The following CFAP47 variants were observed in gnomAD, a reference collection of about 807,000 sequenced individuals.
The protein encoded by CFAP47 is cilia and flagella associated protein 47.
CFAP47 carries 29 observed loss-of-function variants against 148.1 expected under a neutral mutation model. That is an observed-to-expected ratio of 0.20 (90% CI 0.15 to 0.27). The LOEUF is 0.27. Ranked by LOEUF, CFAP47 falls within the 10% of genes least tolerant of loss-of-function variation. The probability of loss-of-function intolerance (pLI) is 1.00; values close to 1 mark genes in which losing one functional copy is unlikely to be tolerated. For synonymous variants in CFAP47, 664 were observed against 577.3 expected (o/e 1.15, Z -2.15); for missense variants, 1,872 against 1,697.5 (o/e 1.10, Z -1.81).
intron 56 of CFAP47, among the ~76,000 whole-genome samples, chrX:36,317,882 A>T (rs1941449568): frequency 9.0e-6 from 1 of 111,141 alleles, no homozygotes; most frequent in African/African-American, 3.3e-5. Context: ...GTAATCTGAG[A>T]CTCTACTTGC....
At chrX:36,034,236 C>T (rs887880715) in intron 23 of CFAP47, among the ~76,000 whole-genome samples, 5 of 111,251 alleles carry the variant, frequency 4.5e-5, no homozygotes, top group Non-Finnish European at 9.5e-5. Flanking sequence ...GTGTTTTTCA[C>T]CTGATTAGAC....
At chrX:35,978,102 A>G (rs1310038698) in intron 15 of CFAP47, among the ~76,000 whole-genome samples, 1 of 112,241 alleles carries the variant, frequency 8.9e-6, no homozygotes, top group Non-Finnish European at 1.9e-5. Context: ...AGAAGAAAGA[A>G]CATATTTCTG....
chrX:36,337,449 T>C (rs1286080481), intron 57 of CFAP47, among the ~76,000 whole-genome samples: 1 of 111,627 alleles, frequency 9.0e-6, no homozygotes, highest in Non-Finnish European at 1.9e-5. Flanking sequence ...TATATATAGA[T>C]GGTAGAGAGA....
intron 57 of CFAP47, among the ~76,000 whole-genome samples, chrX:36,343,398 A>G (rs1482205857): frequency 8.9e-6 from 1 of 112,050 alleles, no homozygotes; most frequent in Non-Finnish European, 1.9e-5. Flanking sequence ...ATCTTATGCC[A>G]GTTAGAATGG....
chrX:36,027,110 G>GTGATTATATATATA (rs200449147), intron 22 of CFAP47, among the ~76,000 whole-genome samples: 3 of 100,233 alleles, frequency 3.0e-5, no homozygotes, highest in South Asian at 4.3e-4. Context: ...TTATATATAT[G>GTGATTATATATATA]TGATTATATA....
intron 33 of CFAP47, among the ~76,000 whole-genome samples, chrX:36,134,319 T>A (rs1333664361): frequency 1.8e-5 from 2 of 111,285 alleles, no homozygotes; most frequent in Non-Finnish European, 3.8e-5. Flanking sequence ...GACTCTAAAA[T>A]ATATATATAA....
chrX:36,317,555 G>A (rs1159102898), intron 56 of CFAP47, among the ~76,000 whole-genome samples: 3 of 106,263 alleles, frequency 2.8e-5, no homozygotes, highest in Non-Finnish European at 3.9e-5. Flanking sequence ...GACTACAGGC[G>A]CCCACCACCA....
At chrX:35,947,385 T>C (rs1038913342) in intron 3 of CFAP47, among the ~76,000 whole-genome samples, 1 of 106,900 alleles carries the variant, frequency 9.4e-6, no homozygotes, top group Non-Finnish European at 1.9e-5. Context: ...ATTTGCTCAT[T>C]CTAGGGCATG....
chrX:36,158,547 A>T (rs1321503059), intron 37 of CFAP47, among the ~76,000 whole-genome samples: 1 of 112,022 alleles, frequency 8.9e-6, no homozygotes, highest in African/African-American at 3.2e-5. Context: ...TGAGGAGCTA[A>T]ATTTGTGCTG....
intron 57 of CFAP47, among the ~76,000 whole-genome samples, chrX:36,344,257 G>GAAA (rs373568132): frequency 8.1e-5 from 5 of 61,627 alleles, no homozygotes; most frequent in African/African-American, 2.5e-4. Context: ...AAGAGAGAAA[G>GAAA]AAAAAAAAAA....
chrX:36,088,671 A>AAT (rs1339782159), intron 30 of CFAP47, among the ~76,000 whole-genome samples: 1 of 111,467 alleles, frequency 9.0e-6, no homozygotes, highest in African/African-American at 3.3e-5. Flanking sequence ...TGAAAGAATA[A>AAT]ATGTCTTGTT....
chrX:36,134,429 G>T lies in CFAP47; in HGVS notation c.5321-3529G>T, dbSNP rs371795570. The stretch of plus-strand genomic sequence containing the variant: ...GGGTGGTATTGACAAAAGAATAGAT[G>T]TGTAGATCAAAAGAATAGAATTGAG... On this transcript the variant is annotated intron_variant, in intron 33 of 63. Coordinates refer to ENST00000378653, the MANE Select transcript of CFAP47 (RefSeq NM_001304548.2). Among the ~76,000 whole-genome samples, 10 of 110,754 alleles carry T rather than the reference G, an allele frequency of 9.0e-5. No individual in the cohort carries two copies. In the East Asian group the frequency reaches 1.1e-3, roughly 13 times the overall value.
chrX:36,055,338 C>A (rs1175970652), intron 26 of CFAP47, among the ~76,000 whole-genome samples: 1 of 110,491 alleles, frequency 9.1e-6, no homozygotes, highest in Non-Finnish European at 1.9e-5. Context: ...CACTGACAGG[C>A]CCCAGTGTGT....
chrX:36,169,230 T>C (rs1939534680), intron 39 of CFAP47, among the ~76,000 whole-genome samples: 1 of 111,631 alleles, frequency 9.0e-6, no homozygotes. Flanking sequence ...ACTGTTTGAT[T>C]ATTATTATCT....
chrX:36,202,298 C>T (rs1343537306), intron 44 of CFAP47, among the ~76,000 whole-genome samples: 1 of 111,551 alleles, frequency 9.0e-6, no homozygotes, highest in Non-Finnish European at 1.9e-5. Flanking sequence ...CATGTTGCTC[C>T]TGTGTGCATA....
At position 36,310,972 on chromosome X, in the gene CFAP47, T is replaced by A; in HGVS notation, c.8327T>A (p.Ile2776Asn). The A allele has an allele frequency of 8.9e-7, 1 of 1,123,351 alleles. No homozygotes were observed. The highest frequency in any genetic ancestry group is 3.4e-5 in the East Asian group (1 of 29,755). 92.6% of individuals were successfully genotyped at this position (1,123,351 alleles called of 1,213,427 possible). ...AATCCCACAATGGAAGATGTCCTCA[T>A]TGATATAATACTGACAAGTAAGTTG... Reference protein sequence around the residue: ...FKNPTMEDVLIDIILTSVEHP... With the variant: ...FKNPTMEDVLNDIILTSVEHP... The change falls in exon 56 of 64, where the codon ATT becomes AAT. Residue 2776 changes from isoleucine to asparagine, a missense_variant. Physicochemically the swap from Ile to Asn is moderately radical, Grantham distance 149 (BLOSUM62 -3). Transcript: ENST00000378653.
chrX:36,356,737 T>C (rs1453456630), intron 60 of CFAP47, among the ~76,000 whole-genome samples: 2 of 111,503 alleles, frequency 1.8e-5, no homozygotes, highest in Non-Finnish European at 3.8e-5. Flanking sequence ...CATGCAGTCT[T>C]GTACTTCCTG....
intron 45 of CFAP47, among the ~76,000 whole-genome samples, chrX:36,210,526 T>G (rs1602048658): frequency 8.9e-6 from 1 of 112,373 alleles, no homozygotes; most frequent in Admixed American, 9.4e-5. Flanking sequence ...TCTATTCGGA[T>G]TTTTTACCCA....
At chrX:35,960,008 A>G (rs956069663) in intron 8 of CFAP47, among the ~76,000 whole-genome samples, 1 of 110,808 alleles carries the variant, frequency 9.0e-6, no homozygotes, top group Non-Finnish European at 1.9e-5. Context: ...AAAAAAACCA[A>G]TTGAATGTGA....
Sources: gnomAD v4.1 joint callset for allele counts (sites outside exome capture counted in the v4.1 genomes callset) on GRCh38, gnomAD v4.1.1 for gene constraint, MANE v1.5 for transcripts, NCBI Gene and HGNC (gene_info 2026-07-23, HGNC 2026-07-21) for gene names.